Variants in FDX2 observed in about 807,000 individuals in gnomAD.
The protein encoded by FDX2 is ferredoxin 2, also known as ferredoxin-2, mitochondrial.
Under a neutral mutation model 18.5 loss-of-function variants are expected in FDX2, and 13 were observed. The observed-to-expected ratio is 0.70, with a 90% CI of 0.46 to 1.12. FDX2 has a LOEUF of 1.12. Ranked by LOEUF, FDX2 falls within the 50% of genes most tolerant of loss-of-function variation. The pLI is 0.00. For missense variants in FDX2, 238 were observed against 250.4 expected (o/e 0.95, Z 0.34); for synonymous variants, 132 against 106.2 (o/e 1.24, Z -1.49).
chr19:10,315,625 G>A (rs1475393509), intron 2 of FDX2, 80 bp downstream of exon 2: 11 of 1,521,780 alleles, frequency 7.2e-6, no homozygotes, highest in Non-Finnish European at 9.8e-6. Context: ...GGGGGACCTC[G>A]AGATGAAGCT....
At position 10,310,405 on chromosome 19, in the gene FDX2, T is replaced by G; in HGVS notation, c.*81A>C. The G allele has an allele frequency of 1.3e-6, 2 of 1,589,822 alleles. No homozygotes were observed. The highest frequency in any genetic ancestry group is 1.7e-6 in the Non-Finnish European group (2 of 1,163,002). On this transcript the variant is annotated 3_prime_UTR_variant, in exon 5 of 5. Coordinates refer to ENST00000393708, the MANE Select transcript of FDX2 (RefSeq NM_001031734.4). ...ACGTCTCTCCCGGGCCTGTCCGCAC[T>G]CTGGGCAGGGCTGGCACCTGGCTAT...
In FDX2 at chr19:10,310,381, C is replaced by T. The variant is rs897162037; in HGVS notation, c.*105G>A. 2.5e-4 allele frequency: 369 copies of T among 1,464,878 alleles called. No individual in the cohort carries two copies. Among genetic ancestry groups the T allele is most frequent in the Non-Finnish European group, 2.8e-4 (296 of 1,072,450 alleles). 90.7% of individuals were successfully genotyped at this position (1,464,878 alleles called of 1,614,324 possible). A position where few individuals can be genotyped will look rare whatever the true frequency, so the allele number is the denominator to read the frequency against. On this transcript the variant is annotated 3_prime_UTR_variant, in exon 5 of 5. Coordinates refer to ENST00000393708, the MANE Select transcript of FDX2 (RefSeq NM_001031734.4). ...GTGTTGTCCTTCACAGGGGCTTCCACGTCTCTCCCGGGCCTGTCCGCACTC... is the reference window on the plus strand; with the variant it reads ...GTGTTGTCCTTCACAGGGGCTTCCATGTCTCTCCCGGGCCTGTCCGCACTC...
rs759194859 is a variant in FDX2 at position 10,315,958 on chromosome 19, C to G, written c.48G>C (p.Arg16Ser). 1 of 1,610,948 alleles carries G rather than the reference C, an allele frequency of 6.2e-7. No individual in the cohort carries two copies. Among genetic ancestry groups the G allele is most frequent in the African/African-American group, 1.3e-5 (1 of 74,794 alleles). Reference sequence around the variant, plus strand: ...TGCCCCTGGCAGCCTGCAGTAGAACCCTGGCACTCACGCCTCCCCGGGCCA... The same window carrying G: ...TGCCCCTGGCAGCCTGCAGTAGAACGCTGGCACTCACGCCTCCCCGGGCCA... Residue 16 changes from arginine (R) to serine (S), a missense_variant, in exon 1 of 5, where the codon AGG becomes AGC. Arg to Ser is a moderately radical substitution (Grantham distance 110, BLOSUM62 -1). Coordinates refer to ENST00000393708, the MANE Select transcript of FDX2 (RefSeq NM_001031734.4).
At chr19:10,315,326 T>TTTTTG in intron 3 of FDX2, 60 bp downstream of exon 3, 2 of 1,006,796 alleles carry the variant, frequency 2.0e-6, no homozygotes, top group South Asian at 3.8e-5. Context: ...TGGGTTTTTT[T>TTTTTG]TTTTTTTTTT....
At position 10,310,738 on chromosome 19, in the gene FDX2, G is replaced by A. The variant is rs538771593; in HGVS notation, c.405-96C>T. On this transcript the variant is annotated intron_variant, in intron 4 of 4. Coordinates refer to ENST00000393708, the MANE Select transcript of FDX2 (RefSeq NM_001031734.4). ...GAGGGAGGAAGCTGACTGAGCGCAGGGGGTAGTGGTGGGGGAGGCAGCTCC... is the reference window on the plus strand; with the variant it reads ...GAGGGAGGAAGCTGACTGAGCGCAGAGGGTAGTGGTGGGGGAGGCAGCTCC... 31 of 1,462,472 alleles carry A rather than the reference G, an allele frequency of 2.1e-5. No individual in the cohort carries two copies. In the East Asian group the frequency reaches 3.9e-4, roughly 18 times the overall value. 90.6% of individuals were successfully genotyped at this position (1,462,472 alleles called of 1,614,324 possible). A position where few individuals can be genotyped will look rare whatever the true frequency, so the allele number is the denominator to read the frequency against.
Position 10,315,376 on chromosome 19 carries a change from C to T in FDX2, c.316+10G>A, listed in dbSNP as rs772634383. 1.3e-6 allele frequency: 2 copies of T among 1,599,004 alleles called. No homozygotes were observed. Among genetic ancestry groups the T allele is most frequent in the Non-Finnish European group, 1.7e-6 (2 of 1,169,886 alleles). ...AAGGACCTCCTTAATTCCCTCTGCC[C>T]GGTTCCTACCTTCCAGGTCCACCCC... On this transcript the variant is annotated intron_variant, in intron 3 of 4. Coordinates refer to ENST00000393708, the MANE Select transcript of FDX2 (RefSeq NM_001031734.4).
At chr19:10,312,060 G>A (rs1443778038) in intron 3 of FDX2, among the ~76,000 whole-genome samples, 2 of 151,494 alleles carry the variant, frequency 1.3e-5, no homozygotes, top group Non-Finnish European at 2.9e-5. Context: ...AGTAGAGATG[G>A]GGTTTTGCCA....
chr19:10,313,603 T>C (rs2040345027), intron 3 of FDX2, among the ~76,000 whole-genome samples: 1 of 143,730 alleles, frequency 7.0e-6, no homozygotes, highest in South Asian at 2.2e-4. Flanking sequence ...ACTACTCAAG[T>C]TGTCATGAAG....
In FDX2 at chr19:10,310,191, C is replaced by T; in HGVS notation, c.*295G>A. On this transcript the variant is annotated 3_prime_UTR_variant, in exon 5 of 5. Transcript: ENST00000393708. ...CCACCTGTAGACCCCAGATCTGTCC[C>T]CCAAGGACACTCAACATGCTGGGGC... 2.3e-6 allele frequency: 1 copy of T among 434,774 alleles called. No homozygotes were observed. The highest frequency in any genetic ancestry group is 4.2e-6 in the Non-Finnish European group (1 of 236,468). 26.9% of individuals were successfully genotyped at this position (434,774 alleles called of 1,614,324 possible).
At position 10,315,883 on chromosome 19, in the gene FDX2, C is replaced by T; in HGVS notation, c.123G>A (p.Ala41=). The T allele has an allele frequency of 1.2e-6, 2 of 1,601,474 alleles. No individual in the cohort carries two copies. The highest frequency in any genetic ancestry group is 1.7e-6 in the Non-Finnish European group (2 of 1,175,560). The change falls in exon 1 of 5, where the codon GCG becomes GCA. Residue 41 remains alanine (A), a synonymous_variant. Coordinates refer to ENST00000393708, the MANE Select transcript of FDX2 (RefSeq NM_001031734.4). Reference sequence around the variant, plus strand: ...CTTGAAACTTTCTGGTTGTCCCCAGCGCCACCCCCTCCCCCGACCCGGAAG... The same window carrying T: ...CTTGAAACTTTCTGGTTGTCCCCAGTGCCACCCCCTCCCCCGACCCGGAAG...
At position 10,315,895 on chromosome 19, in the gene FDX2, C is replaced by G; in HGVS notation, c.111G>C (p.Gly37=). The change falls in exon 1 of 5, where the codon GGG becomes GGC. Residue 37 remains glycine (G), a synonymous_variant. Coordinates refer to ENST00000393708, the MANE Select transcript of FDX2 (RefSeq NM_001031734.4). ...TGGTTGTCCCCAGCGCCACCCCCTC[C>G]CCCGACCCGGAAGTGCCCCCAGGTC... The G allele has an allele frequency of 3.1e-6, 5 of 1,604,418 alleles. No individual in the cohort carries two copies. Among genetic ancestry groups the G allele is most frequent in the Non-Finnish European group, 2.5e-6 (3 of 1,176,824 alleles).
At chr19:10,314,546 C>T (rs1251384877) in intron 3 of FDX2, among the ~76,000 whole-genome samples, 1 of 150,506 alleles carries the variant, frequency 6.6e-6, no homozygotes. Context: ...CCAGCATTGG[C>T]GACACAGCAA....
chr19:10,310,598 G>A lies in FDX2; in HGVS notation c.449C>T (p.Ser150Leu), dbSNP rs752176111. ...CAGCACAATCTGGCAGCCCAGCCGC[G>A]AGTTCTCCTGGAGGAGGGGGGCCAT... Residue 150 changes from serine (S) to leucine (L), a missense_variant, in exon 5 of 5, where the codon TCG (serine) becomes TTG (leucine). Transcript: ENST00000393708. 7.4e-6 allele frequency: 12 copies of A among 1,613,682 alleles called. No individual in the cohort carries two copies. Among genetic ancestry groups the A allele is most frequent in the East Asian group, 6.7e-5 (3 of 44,872 alleles).
intron 3 of FDX2, among the ~76,000 whole-genome samples, chr19:10,313,687 T>A (rs1379899977): frequency 4.7e-5 from 4 of 85,024 alleles, no homozygotes; most frequent in African/African-American, 9.5e-5. Context: ...TTTTTTTTTT[T>A]TTTTTTTTTT....
At chr19:10,313,174 C>T (rs891058658) in intron 3 of FDX2, among the ~76,000 whole-genome samples, 4 of 152,092 alleles carry the variant, frequency 2.6e-5, no homozygotes, top group African/African-American at 9.7e-5. Flanking sequence ...ATCTCACATT[C>T]CAATCCCTGT....
At chr19:10,310,749 G>A in intron 4 of FDX2, 104 bp downstream of exon 4, 1 of 1,467,786 alleles carries the variant, frequency 6.8e-7, no homozygotes. Context: ...GGGTAGTGGT[G>A]GGGGAGGCAG....
intron 3 of FDX2, 142 bp downstream of exon 3, chr19:10,315,244 G>A (rs1160036357): frequency 4.7e-6 from 3 of 636,270 alleles, no homozygotes; most frequent in Non-Finnish European, 8.1e-6. Context: ...CAACAGATGA[G>A]GCCATGGTGA....
At position 10,315,624 on chromosome 19, in the gene FDX2, C is replaced by A. The variant is rs895063242; in HGVS notation, c.209+81G>T. On this transcript the variant is annotated intron_variant, in intron 2 of 4. Coordinates refer to ENST00000393708, the MANE Select transcript of FDX2 (RefSeq NM_001031734.4). ...ATAGGGCAAAGCAGAAGGGGGACCT[C>A]GAGATGAAGCTACAGGGCAAGATGG... 5 of 1,521,724 alleles carry A rather than the reference C, an allele frequency of 3.3e-6. No individual in the cohort carries two copies. In the African/African-American group the frequency reaches 6.9e-5, roughly 21 times the overall value. The allele number at this position is 1,521,724 out of a possible 1,614,324, so 94.3% of individuals were successfully genotyped here. A position where few individuals can be genotyped will look rare whatever the true frequency, so the allele number is the denominator to read the frequency against.
intron 2 of FDX2, 71 bp downstream of exon 2, chr19:10,315,634 C>G: frequency 1.3e-6 from 2 of 1,530,238 alleles, no homozygotes; most frequent in African/African-American, 1.4e-5. Context: ...CGAGATGAAG[C>G]TACAGGGCAA....
Sources: allele counts gnomAD v4.1 joint callset (sites outside exome capture counted in the v4.1 genomes callset), GRCh38; gene constraint gnomAD v4.1.1; transcripts MANE v1.5; gene names NCBI Gene and HGNC (gene_info 2026-07-23, HGNC 2026-07-21).